SPOCK1: variants seen among roughly 807,000 people sequenced by gnomAD.
SPOCK1 encodes testican-1.
In SPOCK1, 23 loss-of-function variants were observed where a neutral mutation model predicts 55.3. The observed-to-expected ratio is 0.42, with a 90% confidence interval of 0.30 to 0.59. The LOEUF is 0.59. Among genes scored for constraint, SPOCK1 ranks in the 20% least tolerant of loss-of-function variants. The probability of loss-of-function intolerance (pLI) is 0.22; values close to 1 mark genes in which losing one functional copy is unlikely to be tolerated. For synonymous variants in SPOCK1, 226 were observed against 221.0 expected, an observed-to-expected ratio of 1.02 and a Z score of -0.20; for missense variants, 499 against 552.5, an observed-to-expected ratio of 0.90 and a Z score of 0.97.
chr5:137,269,026 G>A (rs1756911529), intron 2 of SPOCK1, among the ~76,000 whole-genome samples: 1 of 18,756 alleles, frequency 5.3e-5, no homozygotes, highest in African/African-American at 3.6e-4. Context: ...TTATAACTTG[G>A]ATGGAATTTG....
At chr5:137,467,310 G>A (rs888504974) in intron 2 of SPOCK1, among the ~76,000 whole-genome samples, 2 of 152,238 alleles carry the variant, frequency 1.3e-5, no homozygotes, top group African/African-American at 4.8e-5. Flanking sequence ...GGGCATGAAT[G>A]TCAGGTGAGA....
chr5:137,183,482 G>C (rs767980470), intron 3 of SPOCK1, among the ~76,000 whole-genome samples: 20 of 152,298 alleles, frequency 1.3e-4, no homozygotes, highest in Admixed American at 6.5e-4. Context: ...TGGGTCAGTG[G>C]TTCTCAAATC....
rs1335413796 is a variant in SPOCK1, at chr5:137,313,433, G to A, written c.187-46378C>T. On this transcript the variant is annotated intron_variant, in intron 2 of 10. Transcript: ENST00000394945. Reference sequence around the variant, plus strand: ...TGCTTCAGAAAGTGTCTTACCTGCTGCAAGGGGTGGTCTCAGGAAATCATC... The same window carrying A: ...TGCTTCAGAAAGTGTCTTACCTGCTACAAGGGGTGGTCTCAGGAAATCATC... 16 of 985,450 alleles carry A rather than the reference G, an allele frequency of 1.6e-5. 1 individual carries two copies. In the South Asian group the frequency reaches 7.5e-4, roughly 46 times the overall value. 61.0% of individuals were successfully genotyped at this position (985,450 alleles called of 1,614,324 possible).
At chr5:137,395,405 G>A (rs370651014) in intron 2 of SPOCK1, among the ~76,000 whole-genome samples, 10 of 152,224 alleles carry the variant, frequency 6.6e-5, no homozygotes, top group African/African-American at 1.9e-4. Context: ...TAAAAGTGCA[G>A]TCTTGACAAA....
At chr5:137,255,022 T>C (rs1756607453) in intron 3 of SPOCK1, among the ~76,000 whole-genome samples, 1 of 152,260 alleles carries the variant, frequency 6.6e-6, no homozygotes, top group Non-Finnish European at 1.5e-5. Flanking sequence ...CTTCCTGATA[T>C]TGTCAATTTC....
intron 2 of SPOCK1, chr5:137,313,437 G>A: frequency 2.0e-6 from 2 of 985,460 alleles, no homozygotes; most frequent in Non-Finnish European, 2.4e-6. Context: ...CCTGCTGCAA[G>A]GGGTGGTCTC....
intron 2 of SPOCK1, among the ~76,000 whole-genome samples, chr5:137,316,325 C>T (rs1757880612): frequency 6.6e-6 from 1 of 152,232 alleles, no homozygotes; most frequent in South Asian, 2.1e-4. Context: ...GGAAGTGATG[C>T]ATTCAAATCA....
intron 2 of SPOCK1, among the ~76,000 whole-genome samples, chr5:137,275,130 G>A (rs775084575): frequency 6.6e-6 from 1 of 152,152 alleles, no homozygotes; most frequent in Non-Finnish European, 1.5e-5. Context: ...TGTCTCCTTG[G>A]CACACCAAAC....
rs1273384116 is a variant in SPOCK1, at chr5:137,174,170, T to A, written c.233-33476A>T. Among the ~76,000 whole-genome samples, 11 of 152,336 alleles carry A rather than the reference T, an allele frequency of 7.2e-5. No individual in the cohort carries two copies. The East Asian group carries it at 2.1e-3, about 29-fold the overall frequency. On this transcript the variant is annotated intron_variant, in intron 3 of 10. Coordinates refer to ENST00000394945, the MANE Select transcript of SPOCK1 (RefSeq NM_004598.4). ...GGAACAAGAGGAAGTTTAAGACATATCTAAGACAGCTCCCTGTTTCTGCCT... is the reference window on the plus strand; with the variant it reads ...GGAACAAGAGGAAGTTTAAGACATAACTAAGACAGCTCCCTGTTTCTGCCT...
Position 137,179,185 on chromosome 5 carries a change from T to TA in SPOCK1, c.233-38492dup, listed in dbSNP as rs1475997663. Among the ~76,000 whole-genome samples the TA allele has an allele frequency of 5.9e-5, 9 of 152,268 alleles. No homozygotes were observed. In the South Asian group the frequency reaches 1.0e-3, roughly 18 times the overall value. ...CCCAGTCTGCTAAGAACCACATCTA[T>TA]AGTGGTTTAATAAAAATAAAGGGAC... On this transcript the variant is annotated intron_variant, in intron 3 of 10. Transcript: ENST00000394945.
chr5:137,011,813 A>C (rs1251206657), intron 6 of SPOCK1, among the ~76,000 whole-genome samples: 1 of 152,164 alleles, frequency 6.6e-6, no homozygotes, highest in Non-Finnish European at 1.5e-5. Context: ...ATTTGTCTGC[A>C]GGTGCTGCAC....
chr5:137,060,805 C>T (rs975454477), intron 6 of SPOCK1, among the ~76,000 whole-genome samples: 1 of 152,194 alleles, frequency 6.6e-6, no homozygotes, highest in Non-Finnish European at 1.5e-5. Flanking sequence ...TCCCCAATCA[C>T]TTGCTATCAA....
chr5:137,200,886 A>G (rs1426107761), intron 3 of SPOCK1, among the ~76,000 whole-genome samples: 1 of 152,186 alleles, frequency 6.6e-6, no homozygotes, highest in Non-Finnish European at 1.5e-5. Flanking sequence ...CGATTCTAGA[A>G]TAAGTCTTCT....
chr5:137,426,136 A>G (rs576676277), intron 2 of SPOCK1, among the ~76,000 whole-genome samples: 22 of 152,350 alleles, frequency 1.4e-4, no homozygotes, highest in African/African-American at 5.1e-4. Context: ...TAAAATAGAC[A>G]TGACAAGAGT....
intron 2 of SPOCK1, among the ~76,000 whole-genome samples, chr5:137,269,888 A>C (rs966494953): frequency 1.3e-5 from 2 of 152,184 alleles, no homozygotes; most frequent in African/African-American, 4.8e-5. Context: ...ACCAGGGCCT[A>C]AGACTCAGGT....
At chr5:137,131,074 C>G (rs1753867105) in intron 4 of SPOCK1, among the ~76,000 whole-genome samples, 1 of 152,168 alleles carries the variant, frequency 6.6e-6, no homozygotes, top group Admixed American at 6.5e-5. Flanking sequence ...GCCAGCGCCC[C>G]CGATGGGCCC....
At chr5:137,472,542 G>A (rs1049805171) in intron 2 of SPOCK1, among the ~76,000 whole-genome samples, 1 of 152,208 alleles carries the variant, frequency 6.6e-6, no homozygotes, top group African/African-American at 2.4e-5. Flanking sequence ...GAAGGGGAGT[G>A]TAATTTGGCA....
rs143012791 is a variant in SPOCK1 at position 137,175,202 on chromosome 5, G to A, written c.233-34508C>T. 1.0e-2 allele frequency among the ~76,000 whole-genome samples: 1,516 copies of A among 152,320 alleles called. 8 individuals are homozygous for A. The highest frequency in any genetic ancestry group is 0.037 in the East Asian group (193 of 5,178). The stretch of plus-strand genomic sequence containing the variant: ...CATGAAGCCTTGTGGAAAAGAGGGT[G>A]TTAGGAGTGGGCCTTGGAAAATGGG... On this transcript the variant is annotated intron_variant, in intron 3 of 10. Coordinates refer to ENST00000394945, the MANE Select transcript of SPOCK1 (RefSeq NM_004598.4).
At chr5:137,486,976 A>C (rs1754071643) in intron 2 of SPOCK1, among the ~76,000 whole-genome samples, 1 of 152,260 alleles carries the variant, frequency 6.6e-6, no homozygotes, top group Non-Finnish European at 1.5e-5. Flanking sequence ...CCACGTCCAC[A>C]GAAGTCACAG....
Sources: gnomAD v4.1 joint callset for allele counts (sites outside exome capture counted in the v4.1 genomes callset) on GRCh38, gnomAD v4.1.1 for gene constraint, MANE v1.5 for transcripts, NCBI Gene and HGNC (gene_info 2026-07-23, HGNC 2026-07-21) for gene names.